Variants in CTNND2 observed in about 807,000 individuals in gnomAD.
CTNND2 encodes the protein catenin delta 2.
Under a neutral mutation model 144.4 loss-of-function variants are expected in CTNND2, and 22 were observed. The observed-to-expected ratio is 0.15, with a 90% CI of 0.11 to 0.22. The LOEUF is 0.22. Among genes scored for constraint, CTNND2 ranks in the 10% least tolerant of loss-of-function variants. The pLI, the probability that CTNND2 is intolerant of heterozygous loss-of-function variation, is 1.00. For missense variants in CTNND2, 1,353 were observed against 1,618.8 expected, an observed-to-expected ratio of 0.84 and a Z score of 2.82; for synonymous variants, 751 against 695.6, an observed-to-expected ratio of 1.08 and a Z score of -1.25.
intron 16 of CTNND2, among the ~76,000 whole-genome samples, chr5:11,030,256 G>A (rs1438215298): frequency 5.3e-5 from 8 of 152,120 alleles, no homozygotes; most frequent in Admixed American, 3.9e-4. Flanking sequence ...ATCTCATTGA[G>A]TCTTGAATGT....
At chr5:11,362,863 T>A (rs1561279514) in intron 8 of CTNND2, among the ~76,000 whole-genome samples, 1 of 152,178 alleles carries the variant, frequency 6.6e-6, no homozygotes, top group Non-Finnish European at 1.5e-5. Flanking sequence ...ATAGTAAATA[T>A]TCTTGGTTTT....
chr5:11,696,091 T>C (rs1785126072), intron 2 of CTNND2, among the ~76,000 whole-genome samples: 1 of 152,212 alleles, frequency 6.6e-6, no homozygotes, highest in African/African-American at 2.4e-5. Flanking sequence ...GTCAGCACAC[T>C]CTTTCTGCAA....
At chr5:11,235,618 C>T (rs982734968) in intron 10 of CTNND2, among the ~76,000 whole-genome samples, 1 of 152,122 alleles carries the variant, frequency 6.6e-6, no homozygotes, top group African/African-American at 2.4e-5. Flanking sequence ...AAGGGATACC[C>T]ACAGCCTCCT....
intron 3 of CTNND2, among the ~76,000 whole-genome samples, chr5:11,543,120 C>T (rs946037442): frequency 6.6e-6 from 1 of 152,214 alleles, no homozygotes; most frequent in Non-Finnish European, 1.5e-5. Flanking sequence ...AAAATCATCT[C>T]ATGCCTTTCA....
intron 7 of CTNND2, among the ~76,000 whole-genome samples, chr5:11,368,047 C>CTGGCAGTGGCAGAGCTCAGGCACTGGCA (rs1757140949): frequency 6.6e-6 from 1 of 152,152 alleles, no homozygotes; most frequent in Non-Finnish European, 1.5e-5. Flanking sequence ...GGCAATTTTT[C>CTGGCAGTGGCAGAGCTCAGGCACTGGCA]ATATACAATG....
intron 2 of CTNND2, among the ~76,000 whole-genome samples, chr5:11,566,062 G>C (rs1777067537): frequency 6.6e-6 from 1 of 152,118 alleles, no homozygotes; most frequent in African/African-American, 2.4e-5. Context: ...TATCTTTCCA[G>C]AAAATAAGAT....
intron 2 of CTNND2, among the ~76,000 whole-genome samples, chr5:11,661,059 C>G (rs990934940): frequency 1.3e-5 from 2 of 152,058 alleles, no homozygotes; most frequent in African/African-American, 4.8e-5. Context: ...TGAAAATAGG[C>G]CTCTTTCCAT....
At chr5:11,054,399 C>T (rs1024618) in intron 16 of CTNND2, among the ~76,000 whole-genome samples, 29,078 of 151,970 alleles carry the variant, frequency 0.19, 3,380 homozygotes, top group Middle Eastern at 0.29. Context: ...ACAACAATGC[C>T]CAACACTTAG....
chr5:11,576,167 T>C (rs1441343574), intron 2 of CTNND2, among the ~76,000 whole-genome samples: 1 of 152,076 alleles, frequency 6.6e-6, no homozygotes, highest in African/African-American at 2.4e-5. Context: ...CACAAGTATC[T>C]CTTGCCCAGA....
intron 9 of CTNND2, among the ~76,000 whole-genome samples, chr5:11,290,545 T>C (rs73743736): frequency 1.9e-3 from 291 of 152,300 alleles, no homozygotes; most frequent in African/African-American, 6.9e-3. Flanking sequence ...TGACCTCATA[T>C]GAATAAACAC....
chr5:11,759,478 T>C (rs572413325), intron 1 of CTNND2, among the ~76,000 whole-genome samples: 7 of 152,252 alleles, frequency 4.6e-5, no homozygotes, highest in Non-Finnish European at 8.8e-5. Flanking sequence ...ATGGTAGTTA[T>C]ACAGATTTTT....
At position 11,542,079 on chromosome 5, in the gene CTNND2, C is replaced by T. The variant is rs1171236830; in HGVS notation, c.287+22865G>A. Among the ~76,000 whole-genome samples, 5 of 152,074 alleles carry T rather than the reference C, an allele frequency of 3.3e-5. No individual in the cohort carries two copies. In the East Asian group the frequency reaches 7.7e-4, roughly 23 times the overall value. Reference sequence around the variant, plus strand: ...GCACAATGTAATTATTAATAAATGGCTCTGTCAGCCAAGAACATGACCTGC... The same window carrying T: ...GCACAATGTAATTATTAATAAATGGTTCTGTCAGCCAAGAACATGACCTGC... On this transcript the variant is annotated intron_variant, in intron 3 of 21. Coordinates refer to ENST00000304623, the MANE Select transcript of CTNND2 (RefSeq NM_001332.4).
chr5:11,656,679 G>C (rs1044076842), intron 2 of CTNND2, among the ~76,000 whole-genome samples: 4 of 152,120 alleles, frequency 2.6e-5, no homozygotes, highest in East Asian at 1.9e-4. Context: ...TCGCAGGTGA[G>C]TGTTAATGCA....
At position 10,981,809 on chromosome 5, in the gene CTNND2, A is replaced by G; in HGVS notation, c.3381T>C (p.Ser1127=). 1 of 1,614,082 alleles carries G rather than the reference A, an allele frequency of 6.2e-7. No individual in the cohort carries two copies. Among genetic ancestry groups the G allele is most frequent in the Non-Finnish European group, 8.5e-7 (1 of 1,179,966 alleles). The stretch of plus-strand genomic sequence containing the variant: ...TGATGTCTTCAGCGGGCGCACCATA[A>G]GAATTCCTATACAAAGTTGAAATTC... ...NTGISTLYRN[S]YGAPAEDIKH... is the part of the protein sequence containing the mutation. The change falls in exon 21 of 22, where the codon TCT becomes TCC. Residue 1127 remains serine (S), a synonymous_variant. Coordinates refer to ENST00000304623, the MANE Select transcript of CTNND2 (RefSeq NM_001332.4).
chr5:11,551,432 C>CTTTTTT (rs70949326), intron 3 of CTNND2, among the ~76,000 whole-genome samples: 58 of 100,902 alleles, frequency 5.7e-4, no homozygotes, highest in East Asian at 1.5e-3. Context: ...TTTCTTTTTT[C>CTTTTTT]TTTTTTTTTT....
chr5:11,257,081 T>C (rs1416813402), intron 9 of CTNND2, among the ~76,000 whole-genome samples: 1 of 152,254 alleles, frequency 6.6e-6, no homozygotes, highest in East Asian at 1.9e-4. Flanking sequence ...AGGAAATTAA[T>C]CTCTGTATGA....
At chr5:11,520,741 C>A (rs1772650919) in intron 3 of CTNND2, among the ~76,000 whole-genome samples, 1 of 152,190 alleles carries the variant, frequency 6.6e-6, no homozygotes, top group African/African-American at 2.4e-5. Flanking sequence ...ATGCCTCCTG[C>A]TTTCCCCAGC....
chr5:11,772,680 T>G (rs1022399238), intron 1 of CTNND2, among the ~76,000 whole-genome samples: 118 of 152,344 alleles, frequency 7.7e-4, no homozygotes, highest in African/African-American at 2.8e-3. Context: ...TGTGATCTTT[T>G]GGCCACTGAA....
At chr5:11,043,613 C>A (rs1744917159) in intron 16 of CTNND2, among the ~76,000 whole-genome samples, 1 of 151,908 alleles carries the variant, frequency 6.6e-6, no homozygotes, top group Non-Finnish European at 1.5e-5. Flanking sequence ...CTTAGAAGAC[C>A]AAAAATGGAC....
Sources: gnomAD v4.1 joint callset for allele counts (sites outside exome capture counted in the v4.1 genomes callset) on GRCh38, gnomAD v4.1.1 for gene constraint, MANE v1.5 for transcripts, NCBI Gene and HGNC (gene_info 2026-07-23, HGNC 2026-07-21) for gene names.